The following ACOT7 variants were observed in gnomAD, a reference collection of about 807,000 sequenced individuals.
The protein encoded by ACOT7 is cytosolic acyl coenzyme A thioester hydrolase.
Under a neutral mutation model 40.2 loss-of-function variants are expected in ACOT7, and 12 were observed. That is an observed-to-expected ratio of 0.30 (90% confidence interval 0.19 to 0.48). The LOEUF is 0.48. Among genes scored for constraint, ACOT7 ranks in the 20% least tolerant of loss-of-function variants. The pLI, the probability that ACOT7 is intolerant of heterozygous loss-of-function variation, is 0.99. For synonymous variants in ACOT7, 228 were observed against 219.5 expected (o/e 1.04, Z -0.34); for missense variants, 395 against 530.8 (o/e 0.74, Z 2.51).
chr1:6,270,809 CA>C (rs945977710), intron 8 of ACOT7, among the ~76,000 whole-genome samples: 1 of 152,224 alleles, frequency 6.6e-6, no homozygotes, highest in African/African-American at 2.4e-5. Flanking sequence ...AGGCCAAGTG[CA>C]GCCTGGGAAC....
intron 5 of ACOT7, among the ~76,000 whole-genome samples, chr1:6,323,740 ATATATATATATAT>A (rs1640722977): frequency 1.3e-5 from 1 of 77,976 alleles, no homozygotes; most frequent in Non-Finnish European, 2.3e-5. Flanking sequence ...AAAAAAAAAT[ATATATATATATAT>A]ATATATATAT....
intron 1 of ACOT7, among the ~76,000 whole-genome samples, chr1:6,366,257 T>A (rs923294292): frequency 6.6e-6 from 1 of 151,928 alleles, no homozygotes; most frequent in Non-Finnish European, 1.5e-5. Flanking sequence ...AACAATGACA[T>A]TGACCACATC....
At chr1:6,371,952 G>A (rs1406171476) in intron 1 of ACOT7, among the ~76,000 whole-genome samples, 1 of 151,656 alleles carries the variant, frequency 6.6e-6, no homozygotes, top group East Asian at 1.9e-4. Flanking sequence ...GGCTGTGGCA[G>A]AAGAATCTCT....
chr1:6,378,899 CT>C (rs544506149), intron 1 of ACOT7, among the ~76,000 whole-genome samples: 17 of 149,310 alleles, frequency 1.1e-4, no homozygotes, highest in East Asian at 9.8e-4. Flanking sequence ...TGCTCAAGGA[CT>C]TTTTTTTTTC....
chr1:6,297,156 C>T (rs951773374), intron 6 of ACOT7, among the ~76,000 whole-genome samples: 15 of 152,030 alleles, frequency 9.9e-5, no homozygotes, highest in African/African-American at 3.1e-4. Context: ...CTCCTGCCTC[C>T]GCCTCCTAGT....
At chr1:6,315,212 G>C (rs531742811) in intron 6 of ACOT7, among the ~76,000 whole-genome samples, 229 of 152,306 alleles carry the variant, frequency 1.5e-3, no homozygotes, top group African/African-American at 5.3e-3. Flanking sequence ...CAGAAAACGG[G>C]ACTCGGGCGC....
At chr1:6,300,524 C>CT (rs1639938417) in intron 6 of ACOT7, among the ~76,000 whole-genome samples, 1 of 150,270 alleles carries the variant, frequency 6.7e-6, no homozygotes, top group African/African-American at 2.5e-5. Flanking sequence ...CAAGGCCGGC[C>CT]CTCTCCACAA....
chr1:6,383,192 T>G (rs987809526), intron 1 of ACOT7, among the ~76,000 whole-genome samples: 4 of 150,388 alleles, frequency 2.7e-5, no homozygotes, highest in Non-Finnish European at 5.9e-5. Flanking sequence ...ATGGCAGATT[T>G]TTTTTTTTTT....
chr1:6,344,571 G>A (rs1471489214), intron 2 of ACOT7, among the ~76,000 whole-genome samples: 2 of 151,954 alleles, frequency 1.3e-5, no homozygotes, highest in Admixed American at 6.6e-5. Flanking sequence ...CGAGGCCAGC[G>A]TGGCCAACAG....
intron 7 of ACOT7, among the ~76,000 whole-genome samples, chr1:6,284,227 G>A (rs1057404497): frequency 1.3e-5 from 2 of 152,196 alleles, no homozygotes; most frequent in African/African-American, 4.8e-5. Flanking sequence ...AGGGGACCTC[G>A]GGGGGACCAG....
chr1:6,383,363 A>G (rs1446079247), intron 1 of ACOT7, among the ~76,000 whole-genome samples: 2 of 149,344 alleles, frequency 1.3e-5, no homozygotes, highest in Non-Finnish European at 3.0e-5. Flanking sequence ...AATTTTTTGT[A>G]TTTTTAGTAG....
At chr1:6,307,884 C>A (rs528239389) in intron 6 of ACOT7, among the ~76,000 whole-genome samples, 4 of 148,954 alleles carry the variant, frequency 2.7e-5, no homozygotes, top group Admixed American at 1.3e-4. Flanking sequence ...GGAACCACAA[C>A]CAGACAGAGG....
chr1:6,321,537 C>T (rs542790710), intron 5 of ACOT7, among the ~76,000 whole-genome samples: 6 of 152,274 alleles, frequency 3.9e-5, no homozygotes, highest in East Asian at 1.9e-4. Context: ...TTTTTTGAGA[C>T]GGAGTCTCGC....
At chr1:6,267,657 C>T (rs1571252805) in intron 8 of ACOT7, among the ~76,000 whole-genome samples, 2 of 152,254 alleles carry the variant, frequency 1.3e-5, no homozygotes, top group Non-Finnish European at 1.5e-5. Flanking sequence ...GTTTAACTTT[C>T]GCCTTTCTCA....
chr1:6,376,638 A>G (rs1204933531), intron 1 of ACOT7, among the ~76,000 whole-genome samples: 1 of 151,698 alleles, frequency 6.6e-6, no homozygotes, highest in Non-Finnish European at 1.5e-5. Flanking sequence ...GAGGCAGGAG[A>G]ATAGCTTGAA....
chr1:6,354,256 G>A (rs974164615), intron 1 of ACOT7, among the ~76,000 whole-genome samples: 2 of 152,168 alleles, frequency 1.3e-5, no homozygotes, highest in African/African-American at 4.8e-5. Context: ...CCAGAAGGGC[G>A]CCACCCCACC....
At chr1:6,273,587 G>A (rs909258765) in intron 8 of ACOT7, among the ~76,000 whole-genome samples, 1 of 152,244 alleles carries the variant, frequency 6.6e-6, no homozygotes, top group Non-Finnish European at 1.5e-5. Context: ...GCCAAACGCG[G>A]CAGGCGGTTC....
At chr1:6,383,189 ATTTT>A (rs962032729) in intron 1 of ACOT7, among the ~76,000 whole-genome samples, 1 of 135,782 alleles carries the variant, frequency 7.4e-6, no homozygotes, top group African/African-American at 2.7e-5. Flanking sequence ...AAGATGGCAG[ATTTT>A]TTTTTTTTTT....
rs184245665 is a variant in ACOT7 at position 6,379,579 on chromosome 1, T to C, written c.143+13678A>G. Among the ~76,000 whole-genome samples the C allele has an allele frequency of 2.6e-3, 395 of 151,670 alleles. 2 individuals are homozygous for C. Among genetic ancestry groups the C allele is most frequent in the African/African-American group, 8.8e-3 (367 of 41,480 alleles). ...CCCAGGCTCAAGCAATCCTCTCACCTCAGCCTCCCAAGTAGCTGGTACTAC... is the reference window on the plus strand; with the variant it reads ...CCCAGGCTCAAGCAATCCTCTCACCCCAGCCTCCCAAGTAGCTGGTACTAC... On this transcript the variant is annotated intron_variant, in intron 1 of 8. Coordinates refer to ENST00000361521, the MANE Select transcript of ACOT7 (RefSeq NM_007274.4).
Sources: allele counts gnomAD v4.1 joint callset (sites outside exome capture counted in the v4.1 genomes callset), GRCh38; gene constraint gnomAD v4.1.1; transcripts MANE v1.5; gene names NCBI Gene and HGNC (gene_info 2026-07-23, HGNC 2026-07-21).